Variants in IGFN1 observed in about 807,000 individuals in gnomAD.
IGFN1 encodes the protein immunoglobulin like and fibronectin type III domain containing 1.
Under a neutral mutation model 289.5 loss-of-function variants are expected in IGFN1, and 253 were observed. That is an observed-to-expected ratio of 0.87 (90% CI 0.79 to 0.97). The LOEUF (loss-of-function observed/expected upper bound fraction) is 0.97. Among genes scored for constraint, IGFN1 ranks in the 50% least tolerant of loss-of-function variants. IGFN1 has a pLI of 0.00. For synonymous variants in IGFN1, 1,706 were observed against 1,788.5 expected (o/e 0.95, Z 1.16); for missense variants, 4,470 against 4,686.1 (o/e 0.95, Z 1.35).
intron 16 of IGFN1, 116 bp from the exon 17 acceptor site, chr1:201,217,171 A>G: frequency 1.1e-6 from 1 of 889,188 alleles, no homozygotes; most frequent in Non-Finnish European, 1.8e-6. Context: ...GACACTCACC[A>G]GGACAGGGCG....
intron 6 of IGFN1, 45 bp from the exon 7 acceptor site, chr1:201,199,564 G>C: frequency 6.5e-7 from 1 of 1,534,600 alleles, no homozygotes; most frequent in Non-Finnish European, 8.8e-7. Flanking sequence ...TCAACCCTCA[G>C]TCATCCCACC....
Position 201,208,514 on chromosome 1 carries a change from G to T in IGFN1, c.3621G>T (p.Gly1207=). 1 of 1,452,384 alleles carries T rather than the reference G, an allele frequency of 6.9e-7. No individual in the cohort carries two copies. Among genetic ancestry groups the T allele is most frequent in the Non-Finnish European group, 9.0e-7 (1 of 1,110,658 alleles). The allele number at this position is 1,452,384 out of a possible 1,614,324, so 90.0% of individuals were successfully genotyped here. ...GAASGSQWAY[G]AGNVLGYEDG... Reference sequence around the variant, plus strand: ...CTTCTGGGAGCCAGTGGGCTTATGGGGCTGGCAATGTGCTGGGTTATGAGG... The same window carrying T: ...CTTCTGGGAGCCAGTGGGCTTATGGTGCTGGCAATGTGCTGGGTTATGAGG... Residue 1207 remains glycine (G), a synonymous_variant, in exon 12 of 24, where the codon GGG becomes GGT. Transcript: ENST00000335211.
Position 201,206,109 on chromosome 1 carries a change from A to G in IGFN1, c.1216A>G (p.Thr406Ala). Residue 406 changes from threonine (T) to alanine (A), a missense_variant, in exon 12 of 24, where the codon ACA (threonine) becomes GCA (alanine). Coordinates refer to ENST00000335211, the MANE Select transcript of IGFN1 (RefSeq NM_001164586.2). ...EAGKDKDLQS[T>A]SADHKLQRQG... ...TGGGAAGGATAAAGACCTTCAGTCC[A>G]CAAGTGCTGACCACAAACTGCAGAG... 5 of 1,550,742 alleles carry G rather than the reference A, an allele frequency of 3.2e-6. No homozygotes were observed. Among genetic ancestry groups the G allele is most frequent in the Non-Finnish European group, 3.5e-6 (4 of 1,146,854 alleles).
chr1:201,226,512 TA>T (rs1319138214), intron 22 of IGFN1, among the ~76,000 whole-genome samples: 2 of 152,204 alleles, frequency 1.3e-5, no homozygotes. Flanking sequence ...AAGCAGGCTA[TA>T]AAATCAAATC....
intron 3 of IGFN1, among the ~76,000 whole-genome samples, chr1:201,195,038 T>C (rs1019283434): frequency 1.3e-5 from 2 of 152,162 alleles, no homozygotes; most frequent in Non-Finnish European, 2.9e-5. Flanking sequence ...TTTCTGAGGC[T>C]GAAGCCTGTG....
chr1:201,199,489 A>G (rs1304736627), intron 6 of IGFN1, 111 bp downstream of exon 6: 1 of 1,385,558 alleles, frequency 7.2e-7, no homozygotes, highest in Admixed American at 2.0e-5. Flanking sequence ...GATCACCACC[A>G]GTCTTCAAGA....
intron 8 of IGFN1, among the ~76,000 whole-genome samples, chr1:201,200,828 C>CTTTTTTTTTTTTTTTTT (rs200585317): frequency 8.7e-6 from 1 of 114,406 alleles, no homozygotes. Flanking sequence ...TGGTTTATTT[C>CTTTTTTTTTTTTTTTTT]TTTCTTTTTT....
At position 201,215,678 on chromosome 1, in the gene IGFN1, G is replaced by A; in HGVS notation, c.9135G>A (p.Glu3045=). Residue 3045 remains glutamate, a synonymous_variant, in exon 15 of 24, where the codon GAG becomes GAA. Transcript: ENST00000335211. The stretch of plus-strand genomic sequence containing the variant: ...CTGCCTGGAGGAAGGACGGGGCTGA[G>A]GTGGTGGGCAGCAGTGACAGGGAGG... ...IQAAWRKDGA[E]VVGSSDREAQ... 6.2e-7 allele frequency: 1 copy of A among 1,614,014 alleles called. No individual in the cohort carries two copies. The highest frequency in any genetic ancestry group is 8.5e-7 in the Non-Finnish European group (1 of 1,179,996).
At chr1:201,215,291 A>G (rs1459331072) in intron 14 of IGFN1, 137 bp downstream of exon 14, 3 of 1,094,784 alleles carry the variant, frequency 2.7e-6, no homozygotes, top group Non-Finnish European at 3.9e-6. Flanking sequence ...AGAGAAGATG[A>G]TTTAAAAAGC....
In IGFN1 at chr1:201,210,772, C is replaced by A. The variant is rs1343286817; in HGVS notation, c.5879C>A (p.Ala1960Glu). Residue 1960 changes from alanine (A) to glutamate (E), a missense_variant, in exon 12 of 24, where the codon GCA (alanine) becomes GAA (glutamate). Ala to Glu is a moderately radical substitution (Grantham distance 107, BLOSUM62 -1). This residue lies in a region of IGFN1 where 108 missense variants were observed against 128.7 expected (regional missense o/e 0.84). Transcript: ENST00000335211. ...GSEEMGSVNK[A>E]GYRKDLGAPK... ...GAAGAAATGGGGTCAGTGAATAAGG[C>A]AGGTTATAGGAAGGATTTGGGGGCT... The A allele has an allele frequency of 3.3e-6, 5 of 1,527,758 alleles. No homozygotes were observed. Among genetic ancestry groups the A allele is most frequent in the Non-Finnish European group, 4.4e-6 (5 of 1,144,054 alleles). 94.6% of individuals were successfully genotyped at this position (1,527,758 alleles called of 1,614,324 possible). A position where few individuals can be genotyped will look rare whatever the true frequency, so the allele number is the denominator to read the frequency against.
In IGFN1 at chr1:201,211,212, A is replaced by G. The variant is rs139390045; in HGVS notation, c.6319A>G (p.Arg2107Gly). The change falls in exon 12 of 24, where the codon AGG (arginine) becomes GGG (glycine). Residue 2107 changes from arginine to glycine, a missense_variant. Physicochemically the swap from Arg to Gly is moderately radical, Grantham distance 125. Transcript: ENST00000335211. The stretch of plus-strand genomic sequence containing the variant: ...GGAGTCAATGGATGAGGCAGGTTAT[A>G]GGAAGGATTTGGGGGCTCCTGAGGG... ...EMESMDEAGY[R>G]KDLGAPEGIG... 119,289 of 1,532,860 alleles carry G rather than the reference A, an allele frequency of 0.078. 5,005 individuals carry two copies. Among genetic ancestry groups the G allele is most frequent in the East Asian group, 0.092 (3,738 of 40,642 alleles). The allele number at this position is 1,532,860 out of a possible 1,614,324, so 95.0% of individuals were successfully genotyped here. A position where few individuals can be genotyped will look rare whatever the true frequency, so the allele number is the denominator to read the frequency against.
Position 201,207,640 on chromosome 1 carries a change from C to A in IGFN1, c.2747C>A (p.Ser916Ter), listed in dbSNP as rs2102335932. 6.5e-7 allele frequency: 1 copy of A among 1,536,962 alleles called. No homozygotes were observed. The highest frequency in any genetic ancestry group is 8.7e-7 in the Non-Finnish European group (1 of 1,146,876). The change falls in exon 12 of 24, where the codon TCA becomes TAA. Residue 916 changes from serine (S) to a stop codon, truncating the protein, a stop_gained. Transcript: ENST00000335211. LOFTEE classifies it high-confidence loss of function. ...AAGAAAGGATTAAGAGGTCCTGGGTCAATAGGGTCTGAACCAGATTTCTGG... is the reference window on the plus strand; with the variant it reads ...AAGAAAGGATTAAGAGGTCCTGGGTAAATAGGGTCTGAACCAGATTTCTGG... ...GDKKGLRGPG[S>*]IGSEPDFWNG...
chr1:201,191,166 C>T (rs113719060), intron 1 of IGFN1, among the ~76,000 whole-genome samples: 101 of 152,282 alleles, frequency 6.6e-4, no homozygotes, highest in African/African-American at 2.3e-3. Context: ...TTTCTGGACA[C>T]GGCTTGACTT....
In IGFN1 at chr1:201,228,739, T is replaced by G. The variant is rs564623668; in HGVS notation, c.*340T>G. The G allele has an allele frequency of 3.0e-6, 1 of 334,170 alleles. No individual in the cohort carries two copies. Among genetic ancestry groups the G allele is most frequent in the African/African-American group, 2.1e-5 (1 of 46,560 alleles). The allele number at this position is 334,170 out of a possible 1,614,324, so 20.7% of individuals were successfully genotyped here. ...GGGCCGGCTCCTTATTTTCCTGGGC[T>G]GAGCCGTTTGGAGGGAGGGTGGGCA... On this transcript the variant is annotated 3_prime_UTR_variant, in exon 24 of 24. Transcript: ENST00000335211.
At chr1:201,195,173 A>T (rs1183278050) in intron 3 of IGFN1, among the ~76,000 whole-genome samples, 4 of 149,840 alleles carry the variant, frequency 2.7e-5, no homozygotes, top group Admixed American at 2.0e-4. Context: ...TTTTTTTGAG[A>T]TGGAGTCTCG....
chr1:201,227,049 C>A lies in IGFN1; in HGVS notation c.10954C>A (p.Arg3652Ser), dbSNP rs142381894. ...CCACGTCACCTGGTTCAAGAATGAC[C>A]GCAGCCTGGAAGGAAACCCCGCGGT... ...RPHVTWFKNDRSLEGNPAVYS... is the reference protein window; with the variant it reads ...RPHVTWFKNDSSLEGNPAVYS... Residue 3652 changes from arginine to serine, a missense_variant, in exon 23 of 24, where the codon CGC (arginine) becomes AGC (serine). Around this residue, in one of 8 missense-constraint regions of IGFN1, gnomAD observed 2,218 missense variants for 2,114.1 expected, o/e 1.05. Coordinates refer to ENST00000335211, the MANE Select transcript of IGFN1 (RefSeq NM_001164586.2). The A allele has an allele frequency of 6.2e-7, 1 of 1,613,554 alleles. No homozygotes were observed. Among genetic ancestry groups the A allele is most frequent in the African/African-American group, 1.3e-5 (1 of 74,950 alleles).
In IGFN1 at chr1:201,207,997, G is replaced by C; in HGVS notation, c.3104G>C (p.Arg1035Thr). Residue 1035 changes from arginine to threonine, a missense_variant, in exon 12 of 24, where the codon AGA becomes ACA. Physicochemically the swap from Arg to Thr is moderately conservative, Grantham distance 71 (BLOSUM62 -1). Transcript: ENST00000335211. Reference sequence around the variant, plus strand: ...GGCCCTGCAGGAGGAGGGTCTGGGAGAGTTGCCAGTCTTAAAAATGGCTCA... The same window carrying C: ...GGCCCTGCAGGAGGAGGGTCTGGGACAGTTGCCAGTCTTAAAAATGGCTCA... ...DSGPAGGGSGRVASLKNGSGG... is the reference protein window; with the variant it reads ...DSGPAGGGSGTVASLKNGSGG... 6.5e-7 allele frequency: 1 copy of C among 1,536,964 alleles called. No individual in the cohort carries two copies.
Position 201,203,909 on chromosome 1 carries a change from G to A in IGFN1, c.916+3G>A, listed in dbSNP as rs1315555593. 8 of 1,551,088 alleles carry A rather than the reference G, an allele frequency of 5.2e-6. No individual in the cohort carries two copies. The Admixed American group carries it at 5.9e-5, about 11-fold the overall frequency. On this transcript the variant is annotated splice_donor_region_variant and intron_variant, in intron 10 of 23. Transcript: ENST00000335211. ...CTCCACAGAACTGGAGGCCAGTGGT[G>A]AGTGGTCTACACTGCCGAAGTTGGA...
At chr1:201,192,374 A>T (rs1224122486) in intron 1 of IGFN1, among the ~76,000 whole-genome samples, 2 of 152,138 alleles carry the variant, frequency 1.3e-5, no homozygotes, top group African/African-American at 4.8e-5. Flanking sequence ...CTGCTGGAAG[A>T]TTCTTTCAAG....
Sources: allele counts gnomAD v4.1 joint callset (sites outside exome capture counted in the v4.1 genomes callset), GRCh38; gene constraint gnomAD v4.1.1; regional missense constraint gnomAD v4.1.1; transcripts MANE v1.5; gene names NCBI Gene and HGNC (gene_info 2026-07-23, HGNC 2026-07-21).